The following ADK variants were observed in gnomAD, a reference collection of about 807,000 sequenced individuals.
ADK encodes the protein N6,N6-dimethyladenosine kinase.
In ADK, 24 loss-of-function variants were observed where a neutral mutation model predicts 44.7. That is an observed-to-expected ratio of 0.54 (90% CI 0.39 to 0.76). The LOEUF is 0.76. Ranked by LOEUF, ADK falls within the 30% of genes least tolerant of loss-of-function variation. The pLI, the probability that ADK is intolerant of heterozygous loss-of-function variation, is 0.00. For missense variants in ADK, 321 were observed against 425.1 expected (o/e 0.76, Z 2.15); for synonymous variants, 128 against 142.6 (o/e 0.90, Z 0.73).
At position 74,186,644 on chromosome 10, in the gene ADK, G is replaced by A. The variant is rs562787642; in HGVS notation, c.66-14120G>A. ...TAATTCTGTCCCCCTTCTCACCCAG[G>A]CAACCACTTTTGGACTTCTTTTACT... is the stretch of plus-strand genomic sequence containing the variant. On this transcript the variant is annotated intron_variant, in intron 1 of 10. Transcript: ENST00000539909. 1.8e-3 allele frequency among the ~76,000 whole-genome samples: 273 copies of A among 152,122 alleles called. 1 individual carries two copies. The highest frequency in any genetic ancestry group is 2.7e-3 in the Non-Finnish European group (182 of 68,000).
chr10:74,451,652 A>G (rs1845785145), intron 6 of ADK, among the ~76,000 whole-genome samples: 1 of 152,164 alleles, frequency 6.6e-6, no homozygotes, highest in African/African-American at 2.4e-5. Flanking sequence ...GCATATATGT[A>G]GCTAAGCTAC....
At chr10:74,453,839 T>C (rs933848476) in intron 6 of ADK, among the ~76,000 whole-genome samples, 23 of 152,112 alleles carry the variant, frequency 1.5e-4, no homozygotes, top group Non-Finnish European at 1.5e-4. Context: ...AGCATATAAA[T>C]ATTCATGATA....
chr10:74,695,621 T>G (rs61862571), intron 10 of ADK, among the ~76,000 whole-genome samples: 10,040 of 42,766 alleles, frequency 0.23, 474 homozygotes, highest in African/African-American at 0.31. Flanking sequence ...ATGTGTGGGG[T>G]GTGTGTGTGT....
intron 1 of ADK, chr10:74,174,447 A>C (rs1842261623): frequency 6.6e-6 from 1 of 152,048 alleles, no homozygotes; most frequent in Admixed American, 6.6e-5. Flanking sequence ...ACAGACCAGA[A>C]GCAATTAGTG....
chr10:74,544,724 C>T (rs1364075676), intron 7 of ADK, among the ~76,000 whole-genome samples: 4 of 151,758 alleles, frequency 2.6e-5, no homozygotes, highest in Non-Finnish European at 5.9e-5. Flanking sequence ...AAAATACAAA[C>T]ATTAGCTGGG....
chr10:74,295,251 C>A (rs1240213828), intron 3 of ADK, among the ~76,000 whole-genome samples: 1 of 151,770 alleles, frequency 6.6e-6, no homozygotes, highest in East Asian at 2.0e-4. Context: ...CACCTGAGGT[C>A]AGGAGTTCGA....
chr10:74,687,595 A>C (rs1855839151), intron 10 of ADK, among the ~76,000 whole-genome samples: 1 of 152,188 alleles, frequency 6.6e-6, no homozygotes, highest in African/African-American at 2.4e-5. Flanking sequence ...TGCCTTGTCC[A>C]CTACCTTCTT....
intron 10 of ADK, among the ~76,000 whole-genome samples, chr10:74,673,961 A>G (rs776364268): frequency 1.3e-5 from 2 of 152,154 alleles, no homozygotes; most frequent in South Asian, 2.1e-4. Context: ...ACCGTGGTCT[A>G]CAACATCCAG....
At chr10:74,488,834 GGC>G (rs1847367610) in intron 6 of ADK, among the ~76,000 whole-genome samples, 1 of 151,736 alleles carries the variant, frequency 6.6e-6, no homozygotes, top group South Asian at 2.1e-4. Context: ...TAATCTTAGA[GGC>G]GCTCTATTGA....
At chr10:74,537,043 T>TAC (rs1188417203) in intron 7 of ADK, among the ~76,000 whole-genome samples, 1 of 152,172 alleles carries the variant, frequency 6.6e-6, no homozygotes, top group Non-Finnish European at 1.5e-5. Context: ...CCACAACAGG[T>TAC]ACACCATTTT....
At chr10:74,705,371 T>C (rs1195225447) in intron 10 of ADK, among the ~76,000 whole-genome samples, 1 of 152,246 alleles carries the variant, frequency 6.6e-6, no homozygotes, top group Admixed American at 6.5e-5. Context: ...GCAATTATCC[T>C]TTTTTTCTTT....
Position 74,311,311 on chromosome 10 carries a change from G to A in ADK, c.195-3356G>A, listed in dbSNP as rs1349641559. Reference sequence around the variant, plus strand: ...ACATTTAAAAATGTTTAACACTTAAGTAGAAGCAACACATACACATAGTAA... The same window carrying A: ...ACATTTAAAAATGTTTAACACTTAAATAGAAGCAACACATACACATAGTAA... On this transcript the variant is annotated intron_variant, in intron 3 of 10. Transcript: ENST00000539909. Among the ~76,000 whole-genome samples, 8 of 152,112 alleles carry A rather than the reference G, an allele frequency of 5.3e-5. No individual in the cohort carries two copies. In the East Asian group the frequency reaches 7.7e-4, roughly 15 times the overall value.
chr10:74,657,683 C>G (rs1854537645), intron 9 of ADK, among the ~76,000 whole-genome samples: 1 of 152,024 alleles, frequency 6.6e-6, no homozygotes, highest in Non-Finnish European at 1.5e-5. Context: ...CTATATTCAG[C>G]AATAATTGTT....
At chr10:74,437,555 A>G (rs1483727709) in intron 6 of ADK, among the ~76,000 whole-genome samples, 2 of 152,080 alleles carry the variant, frequency 1.3e-5, no homozygotes, top group African/African-American at 4.8e-5. Context: ...CCCTATCTTT[A>G]TATCTGGAAC....
intron 5 of ADK, among the ~76,000 whole-genome samples, chr10:74,397,899 G>A (rs1843573756): frequency 6.6e-6 from 1 of 152,130 alleles, no homozygotes; most frequent in African/African-American, 2.4e-5. Flanking sequence ...AATTGGACCA[G>A]TCAGGGGACT....
At chr10:74,201,797 A>T (rs531211240) in intron 2 of ADK, among the ~76,000 whole-genome samples, 120 of 151,920 alleles carry the variant, frequency 7.9e-4, no homozygotes, top group Non-Finnish European at 1.4e-3. Flanking sequence ...TCTACCTCGG[A>T]TAACGGGGGC....
chr10:74,589,387 T>G (rs1354741122), intron 8 of ADK, 70 bp downstream of exon 8: 1 of 1,487,436 alleles, frequency 6.7e-7, no homozygotes, highest in African/African-American at 1.4e-5. Flanking sequence ...GAAGTTCTTT[T>G]GGACAGTGAT....
At chr10:74,654,793 G>T (rs1330391073) in intron 9 of ADK, among the ~76,000 whole-genome samples, 1 of 150,942 alleles carries the variant, frequency 6.6e-6, no homozygotes, top group Non-Finnish European at 1.5e-5. Context: ...TCCAGCCTGG[G>T]TGACAAGAGT....
intron 6 of ADK, among the ~76,000 whole-genome samples, chr10:74,436,756 G>T (rs1052358501): frequency 2.0e-5 from 3 of 152,102 alleles, no homozygotes; most frequent in Non-Finnish European, 2.9e-5. Context: ...TACAAAAATC[G>T]AGTAAATGGA....
Sources: allele counts gnomAD v4.1 joint callset (sites outside exome capture counted in the v4.1 genomes callset), GRCh38; gene constraint gnomAD v4.1.1; transcripts MANE v1.5; gene names NCBI Gene and HGNC (gene_info 2026-07-23, HGNC 2026-07-21).